Variants in KTN1 observed in about 807,000 individuals in gnomAD.
KTN1 encodes the protein kinectin.
KTN1 carries 130 observed loss-of-function variants against 222.5 expected under a neutral mutation model. The observed-to-expected ratio is 0.58, with a 90% confidence interval of 0.51 to 0.68. The LOEUF (loss-of-function observed/expected upper bound fraction) is 0.68. Among genes scored for constraint, KTN1 ranks in the 30% least tolerant of loss-of-function variants. The probability of loss-of-function intolerance (pLI) is 0.00; values close to 1 mark genes in which losing one functional copy is unlikely to be tolerated. For synonymous variants in KTN1, 512 were observed against 496.3 expected, an observed-to-expected ratio of 1.03 and a Z score of -0.42; for missense variants, 1,508 against 1,500.4, an observed-to-expected ratio of 1.01 and a Z score of -0.08.
chr14:55,680,887 T>C (rs1291325113), intron 43 of KTN1: 1 of 381,266 alleles, frequency 2.6e-6, no homozygotes, highest in Non-Finnish European at 5.1e-6. Context: ...TCTGCCACAT[T>C]TCCTCGCTTT....
In KTN1 at chr14:55,679,635, A is replaced by G. The variant is rs1271530094; in HGVS notation, c.4019A>G (p.Gln1340Arg). ...QTVTQLQQLL[Q>R]AVNQQLTKEK... ...GTAACACAGTTACAGCAGTTGCTTC[A>G]GGCGGTAAACCAACAGCTCACAAAG... Residue 1340 changes from glutamine to arginine, a missense_variant, in exon 43 of 44, where the codon CAG (glutamine) becomes CGG (arginine). Physicochemically the swap from Gln to Arg is conservative, Grantham distance 43. Transcript: ENST00000395314. 2.5e-6 allele frequency: 4 copies of G among 1,613,702 alleles called. No individual in the cohort carries two copies. The highest frequency in any genetic ancestry group is 3.4e-6 in the Non-Finnish European group (4 of 1,179,696).
In KTN1 at chr14:55,663,990, A is replaced by G. The variant is rs2044426436; in HGVS notation, c.3126A>G (p.Ala1042=). The G allele has an allele frequency of 1.2e-6, 2 of 1,612,850 alleles. No homozygotes were observed. The highest frequency in any genetic ancestry group is 1.6e-4 in the Middle Eastern group (1 of 6,078). ...AGAAAAACTGGGAAGCAATGGAAGCATTGGCATCAACTGAAAAAATGCTGC... is the reference window on the plus strand; with the variant it reads ...AGAAAAACTGGGAAGCAATGGAAGCGTTGGCATCAACTGAAAAAATGCTGC... ...LREKNWEAME[A]LASTEKMLQD... Residue 1042 remains alanine (A), a synonymous_variant, in exon 33 of 44, where the codon GCA becomes GCG. Coordinates refer to ENST00000395314, the MANE Select transcript of KTN1 (RefSeq NM_001079521.2).
At chr14:55,589,425 A>G (rs900426547) in intron 1 of KTN1, among the ~76,000 whole-genome samples, 1 of 151,264 alleles carries the variant, frequency 6.6e-6, no homozygotes, top group Non-Finnish European at 1.5e-5. Flanking sequence ...AAGCGATTCT[A>G]CTGCCTCCTG....
chr14:55,628,674 G>A (rs2140888465), intron 6 of KTN1, among the ~76,000 whole-genome samples: 1 of 152,258 alleles, frequency 6.6e-6, no homozygotes, highest in African/African-American at 2.4e-5. Context: ...TTGTAAGAGT[G>A]AATGGCTTTG....
chr14:55,630,294 T>C (rs1213690832), intron 7 of KTN1, among the ~76,000 whole-genome samples, 197 bp downstream of exon 7: 1 of 152,154 alleles, frequency 6.6e-6, no homozygotes, highest in African/African-American at 2.4e-5. Flanking sequence ...ATAAATATGA[T>C]GATAGAGATA....
At position 55,627,979 on chromosome 14, in the gene KTN1, T is replaced by G. The variant is rs1384188918; in HGVS notation, c.1031T>G (p.Val344Gly). The G allele has an allele frequency of 6.2e-7, 1 of 1,613,798 alleles. No individual in the cohort carries two copies. Among genetic ancestry groups the G allele is most frequent in the Non-Finnish European group, 8.5e-7 (1 of 1,179,832 alleles). Residue 344 changes from valine (V) to glycine (G), a missense_variant, in exon 6 of 44, where the codon GTG (valine) becomes GGG (glycine). Val to Gly is a moderately radical substitution (Grantham distance 109). Coordinates refer to ENST00000395314, the MANE Select transcript of KTN1 (RefSeq NM_001079521.2). ...LQEKDKLLAA[V>G]KEDAAATKDR... ...GAAAAGGACAAGTTACTCGCTGCTG[T>G]GAAGGAAGATGCTGCTGCTACAAAG... is the stretch of plus-strand genomic sequence containing the variant.
chr14:55,613,847 A>G (rs1227744615), intron 2 of KTN1, among the ~76,000 whole-genome samples: 1 of 152,184 alleles, frequency 6.6e-6, no homozygotes, highest in East Asian at 1.9e-4. Context: ...AGTTGGGGAA[A>G]AGGACACGTA....
intron 43 of KTN1, chr14:55,680,530 G>A: frequency 2.1e-6 from 1 of 484,978 alleles, no homozygotes; most frequent in Non-Finnish European, 4.2e-6. Flanking sequence ...ATATCCTGGA[G>A]ACCCTGAGGG....
chr14:55,642,520 A>C (rs2041903829), intron 18 of KTN1, among the ~76,000 whole-genome samples: 1 of 152,188 alleles, frequency 6.6e-6, no homozygotes, highest in African/African-American at 2.4e-5. Context: ...TTATTAATAA[A>C]ACACAAACTC....
chr14:55,616,264 A>T (rs577124630), intron 2 of KTN1, among the ~76,000 whole-genome samples: 10 of 152,174 alleles, frequency 6.6e-5, no homozygotes, highest in Non-Finnish European at 1.5e-4. Flanking sequence ...ATTTTTTAAG[A>T]TGATAGAGAC....
At chr14:55,587,381 T>C (rs2033230165) in intron 1 of KTN1, among the ~76,000 whole-genome samples, 1 of 152,196 alleles carries the variant, frequency 6.6e-6, no homozygotes, top group African/African-American at 2.4e-5. Context: ...CCAGTTAATC[T>C]TGTTCATCAG....
At chr14:55,608,614 T>C (rs1163727592) in intron 1 of KTN1, among the ~76,000 whole-genome samples, 1 of 151,894 alleles carries the variant, frequency 6.6e-6, no homozygotes, top group Non-Finnish European at 1.5e-5. Context: ...TTATGTAATA[T>C]TGCTGTGAAC....
At chr14:55,606,804 T>C (rs945648508) in intron 1 of KTN1, among the ~76,000 whole-genome samples, 1 of 152,188 alleles carries the variant, frequency 6.6e-6, no homozygotes, top group Admixed American at 6.5e-5. Context: ...AACAGTAAAA[T>C]GTTTGTAATA....
chr14:55,581,699 C>T (rs946565721), intron 1 of KTN1, among the ~76,000 whole-genome samples: 2 of 152,078 alleles, frequency 1.3e-5, no homozygotes, highest in Non-Finnish European at 2.9e-5. Context: ...CTTAGCTTAC[C>T]TAGCAGGCTA....
chr14:55,648,910 TTTTGTTTG>T, intron 21 of KTN1, 40 bp downstream of exon 21: 1 of 1,331,962 alleles, frequency 7.5e-7, no homozygotes, highest in Non-Finnish European at 1.1e-6. Flanking sequence ...TCTCTGTGTT[TTTTGTTTG>T]TTTGTTTGTT....
chr14:55,635,893 GAT>G (rs970812102), intron 9 of KTN1, among the ~76,000 whole-genome samples: 4 of 152,116 alleles, frequency 2.6e-5, no homozygotes, highest in African/African-American at 9.7e-5. Flanking sequence ...TTGGGAGATT[GAT>G]ATAAGTATCC....
chr14:55,652,096 A>G (rs1023426327), intron 25 of KTN1, among the ~76,000 whole-genome samples, 169 bp downstream of exon 25: 18 of 152,142 alleles, frequency 1.2e-4, no homozygotes, highest in African/African-American at 3.9e-4. Context: ...GCTTTAACCT[A>G]TTAAGTTTTT....
intron 42 of KTN1, chr14:55,679,259 G>A: frequency 3.9e-6 from 1 of 257,900 alleles, no homozygotes; most frequent in South Asian, 8.0e-5. Context: ...CTTTTGCGGG[G>A]CAAATTTTCT....
chr14:55,589,698 GC>G (rs2033747781), intron 1 of KTN1, among the ~76,000 whole-genome samples: 2 of 119,284 alleles, frequency 1.7e-5, no homozygotes, highest in African/African-American at 6.4e-5. Context: ...TCTCTCTGTC[GC>G]CCAGGCTGGA....
Sources: allele counts gnomAD v4.1 joint callset (sites outside exome capture counted in the v4.1 genomes callset), GRCh38; gene constraint gnomAD v4.1.1; transcripts MANE v1.5; gene names NCBI Gene and HGNC (gene_info 2026-07-23, HGNC 2026-07-21).